SLC44A3: variants seen among roughly 807,000 people sequenced by gnomAD.
SLC44A3 encodes the protein solute carrier family 44 member 3, also known as choline transporter-like protein 3.
Under a neutral mutation model 75.4 loss-of-function variants are expected in SLC44A3, and 74 were observed. The ratio of observed to expected loss-of-function variants is 0.98; its 90% CI spans 0.81 to 1.19. SLC44A3 has a LOEUF of 1.19. Among genes scored for constraint, SLC44A3 ranks in the 50% most tolerant of loss-of-function variants. The pLI is 0.00. For synonymous variants in SLC44A3, 310 were observed against 296.9 expected, an observed-to-expected ratio of 1.04 and a Z score of -0.45; for missense variants, 700 against 778.6, an observed-to-expected ratio of 0.90 and a Z score of 1.20.
chr1:94,850,423 G>A (rs976542678), intron 9 of SLC44A3, among the ~76,000 whole-genome samples: 4 of 152,222 alleles, frequency 2.6e-5, no homozygotes, highest in Non-Finnish European at 5.9e-5. Flanking sequence ...TCCAGAGTCT[G>A]TACAATAGAA....
chr1:94,892,147 C>A (rs1670286920), intron 13 of SLC44A3, 134 bp from the exon 14 acceptor site: 8 of 829,172 alleles, frequency 9.6e-6, no homozygotes. Flanking sequence ...GCCAAAATTT[C>A]TGACAAGCAT....
rs767753193 is a variant in SLC44A3 at position 94,827,547 on chromosome 1, G to A, written c.319G>A (p.Gly107Ser). 5 of 1,614,198 alleles carry A rather than the reference G, an allele frequency of 3.1e-6. No individual in the cohort carries two copies. The South Asian group carries it at 3.3e-5, about 11-fold the overall frequency. ...GAATTCCTGCAACCTGGAAGTCAAA[G>A]GTACGCAGCTCAACCGCATGGCCCT... ...FMNSCNLEVK[G>S]TQLNRMALCV... The change falls in exon 4 of 15, where the codon GGT (glycine) becomes AGT (serine). Residue 107 changes from glycine (G) to serine (S), a missense_variant. Transcript: ENST00000271227.
At chr1:94,853,218 T>G (rs1229419836) in intron 9 of SLC44A3, among the ~76,000 whole-genome samples, 1 of 151,900 alleles carries the variant, frequency 6.6e-6, no homozygotes, top group Non-Finnish European at 1.5e-5. Context: ...GGAATGCAGG[T>G]GAAGGGTTTC....
At chr1:94,826,058 AGG>A (rs1661296059) in intron 3 of SLC44A3, 19 of 375,700 alleles carry the variant, frequency 5.1e-5, no homozygotes, top group Admixed American at 3.0e-4. Context: ...AATATTAAAA[AGG>A]AAGGAAATTC....
intron 3 of SLC44A3, among the ~76,000 whole-genome samples, chr1:94,824,899 A>C (rs1200579295): frequency 6.6e-6 from 1 of 152,144 alleles, no homozygotes; most frequent in Non-Finnish European, 1.5e-5. Flanking sequence ...ATCTCTCTAA[A>C]CTAGTTATTA....
chr1:94,856,912 G>A (rs575283320), intron 9 of SLC44A3, among the ~76,000 whole-genome samples: 4 of 152,194 alleles, frequency 2.6e-5, no homozygotes, highest in South Asian at 4.1e-4. Context: ...TGTATTTTTA[G>A]TAGAGGTGGA....
chr1:94,837,675 T>C (rs753284569), intron 5 of SLC44A3, 36 bp from the exon 6 acceptor site: 84 of 1,535,278 alleles, frequency 5.5e-5, no homozygotes, highest in Non-Finnish European at 7.0e-5. Flanking sequence ...AAATGTTAAA[T>C]AAACATTTTT....
intron 4 of SLC44A3, 107 bp downstream of exon 4, chr1:94,827,750 T>A (rs1193140695): frequency 2.9e-6 from 4 of 1,377,458 alleles, no homozygotes; most frequent in Non-Finnish European, 4.0e-6. Context: ...AGCTGGAAGT[T>A]TTACTTCCTT....
chr1:94,822,881 AAATTAGGAC>A (rs770234011), intron 2 of SLC44A3, among the ~76,000 whole-genome samples: 41 of 152,158 alleles, frequency 2.7e-4, no homozygotes, highest in Middle Eastern at 3.2e-3. Flanking sequence ...TGCATGTTTG[AAATTAGGAC>A]AATGAAGGTT....
chr1:94,848,228 C>CAAA lies in SLC44A3; in HGVS notation c.1072+2777_1072+2779dup, dbSNP rs11372681. Reference sequence around the variant, plus strand: ...TGGGCCACAGAGTGAGACTCTGTCTCAAAAAAAAAAAAAAATAGGCCTCTT... The same window carrying CAAA: ...TGGGCCACAGAGTGAGACTCTGTCTCAAAAAAAAAAAAAAAAAATAGGCCTCTT... On this transcript the variant is annotated intron_variant, in intron 9 of 14. Transcript: ENST00000271227. Among the ~76,000 whole-genome samples, 477 of 139,018 alleles carry CAAA rather than the reference C, an allele frequency of 3.4e-3. 4 individuals are homozygous for CAAA. Among genetic ancestry groups the CAAA allele is most frequent in the African/African-American group, 0.01 (390 of 37,240 alleles). 91.2% of individuals were successfully genotyped at this position (139,018 alleles called of 152,430 possible).
chr1:94,867,581 T>A (rs1261454060), intron 12 of SLC44A3, among the ~76,000 whole-genome samples, 164 bp downstream of exon 12: 1 of 152,248 alleles, frequency 6.6e-6, no homozygotes, highest in African/African-American at 2.4e-5. Flanking sequence ...TCTGCCATCA[T>A]GGCAGGAAAG....
At chr1:94,874,719 GTA>G (rs1344353625) in intron 12 of SLC44A3, among the ~76,000 whole-genome samples, 2 of 152,158 alleles carry the variant, frequency 1.3e-5, no homozygotes, top group Admixed American at 6.5e-5. Flanking sequence ...TACTTTATGT[GTA>G]TCAACTACCT....
chr1:94,842,002 GT>G lies in SLC44A3; in HGVS notation c.764del (p.Val255AlafsTer18). 1 of 1,609,478 alleles carries G rather than the reference GT, an allele frequency of 6.2e-7. No individual in the cohort carries two copies. Among genetic ancestry groups the G allele is most frequent in the Non-Finnish European group, 8.5e-7 (1 of 1,178,398 alleles). ...TCTGCTACTGTTCTCTTTTCTAGTTGTCTGCGGTGTTTTATGGTGGCTGTAT... is the reference window on the plus strand; with the variant it reads ...TCTGCTACTGTTCTCTTTTCTAGTTGCTGCGGTGTTTTATGGTGGCTGTAT... Reference protein sequence around the residue: ...ISLVILGLLFVCGVLWWLYYD... With the variant: ...ISLVILGLLFXCGVLWWLYYD... On this transcript the variant is annotated frameshift_variant, in exon 8 of 15. Transcript: ENST00000271227. LOFTEE classifies it high-confidence loss of function.
intron 4 of SLC44A3, 119 bp downstream of exon 4, chr1:94,827,762 TG>T: frequency 8.0e-7 from 1 of 1,253,876 alleles, no homozygotes; most frequent in Non-Finnish European, 1.1e-6. Flanking sequence ...TACTTCCTTG[TG>T]GGTGCCTCTT....
At position 94,836,258 on chromosome 1, in the gene SLC44A3, A is replaced by T. The variant is rs149869720; in HGVS notation, c.510-1453A>T. ...CCACCATTTGGGGTTCATGGAAAGAAAGAAGAACAGGACCCTGTGAAGGTA... is the reference window on the plus strand; with the variant it reads ...CCACCATTTGGGGTTCATGGAAAGATAGAAGAACAGGACCCTGTGAAGGTA... On this transcript the variant is annotated intron_variant, in intron 5 of 14. Transcript: ENST00000271227. Among the ~76,000 whole-genome samples the T allele has an allele frequency of 5.9e-4, 90 of 152,328 alleles. No individual in the cohort carries two copies. The East Asian group carries it at 0.013, about 23-fold the overall frequency.
At chr1:94,829,862 A>C (rs574904131) in intron 5 of SLC44A3, among the ~76,000 whole-genome samples, 1 of 152,238 alleles carries the variant, frequency 6.6e-6, no homozygotes, top group South Asian at 2.1e-4. Context: ...TTACATCCCA[A>C]CTCCTGTATG....
At chr1:94,827,721 G>A in intron 4 of SLC44A3, 78 bp downstream of exon 4, 1 of 1,510,144 alleles carries the variant, frequency 6.6e-7, no homozygotes, top group South Asian at 1.3e-5. Flanking sequence ...CATTTACCCT[G>A]ACTCTGCTTT....
At chr1:94,875,155 C>T (rs990756952) in intron 12 of SLC44A3, among the ~76,000 whole-genome samples, 8 of 152,136 alleles carry the variant, frequency 5.3e-5, no homozygotes, top group African/African-American at 1.2e-4. Context: ...GGCCTGAGCC[C>T]GCCTACACTC....
At chr1:94,827,901 C>CAG (rs958313423) in intron 4 of SLC44A3, among the ~76,000 whole-genome samples, 3 of 152,002 alleles carry the variant, frequency 2.0e-5, no homozygotes, top group African/African-American at 7.3e-5. Context: ...TGGTCATCCA[C>CAG]AGAGAGAGAG....
Sources: gnomAD v4.1 joint callset for allele counts (sites outside exome capture counted in the v4.1 genomes callset) on GRCh38, gnomAD v4.1.1 for gene constraint, MANE v1.5 for transcripts, NCBI Gene and HGNC (gene_info 2026-07-23, HGNC 2026-07-21) for gene names.